CPNE9: variants seen among roughly 807,000 people sequenced by gnomAD.
CPNE9 encodes copine family member 9.
Under a neutral mutation model 83.0 loss-of-function variants are expected in CPNE9, and 59 were observed. The ratio of observed to expected loss-of-function variants is 0.71; its 90% CI spans 0.58 to 0.88. The LOEUF (loss-of-function observed/expected upper bound fraction) is 0.88, where lower values mean the gene tolerates loss of function less well. Ranked by LOEUF, CPNE9 falls within the 40% of genes least tolerant of loss-of-function variation. CPNE9 has a pLI of 0.00. For synonymous variants in CPNE9, 256 were observed against 273.4 expected (o/e 0.94, Z 0.63); for missense variants, 619 against 720.8 (o/e 0.86, Z 1.62).
Position 9,703,846 on chromosome 3 carries a change from G to A in CPNE9, c.-151G>A, listed in dbSNP as rs1055995240. ...CCGCCGGCGGCCACTGTCAGGGCGC[G>A]AGCGGCTGGAGCGCACGCAGGGCTG... On this transcript the variant is annotated 5_prime_UTR_variant, in exon 1 of 21. Transcript: ENST00000383832. 8.9e-6 allele frequency: 4 copies of A among 449,564 alleles called. No homozygotes were observed. The highest frequency in any genetic ancestry group is 2.1e-5 in the African/African-American group (1 of 47,862). The allele number at this position is 449,564 out of a possible 1,614,324, so 27.8% of individuals were successfully genotyped here. A position where few individuals can be genotyped will look rare whatever the true frequency, so the allele number is the denominator to read the frequency against.
At chr3:9,714,730 G>A (rs1350762624) in intron 10 of CPNE9, among the ~76,000 whole-genome samples, 184 bp from the exon 11 acceptor site, 1 of 151,562 alleles carries the variant, frequency 6.6e-6, no homozygotes, top group Non-Finnish European at 1.5e-5. Flanking sequence ...ATAGGGGTAG[G>A]TGGTTGGGTA....
intron 15 of CPNE9, among the ~76,000 whole-genome samples, chr3:9,717,423 T>G (rs1412841969): frequency 6.6e-6 from 1 of 152,058 alleles, no homozygotes; most frequent in Non-Finnish European, 1.5e-5. Flanking sequence ...ATGGAGTGGG[T>G]ACATGGGTTG....
chr3:9,726,190 T>G (rs2076783349), intron 18 of CPNE9, 139 bp downstream of exon 18: 1 of 564,512 alleles, frequency 1.8e-6, no homozygotes. Context: ...ACTCTTGGAT[T>G]AGAGATAGAG....
chr3:9,705,616 C>T, intron 5 of CPNE9, 102 bp from the exon 6 acceptor site: 1 of 1,567,100 alleles, frequency 6.4e-7, no homozygotes, highest in Non-Finnish European at 8.8e-7. Context: ...TTCAGGCCCC[C>T]AACCCACCCT....
At chr3:9,711,731 C>G (rs1452983848) in intron 7 of CPNE9, among the ~76,000 whole-genome samples, 2 of 152,196 alleles carry the variant, frequency 1.3e-5, no homozygotes, top group African/African-American at 4.8e-5. Flanking sequence ...TCACAGGCCC[C>G]TATCAACAAG....
rs765555134 is a variant in CPNE9 at position 9,718,497 on chromosome 3, A to G, written c.1136A>G (p.Asn379Ser). 1.9e-6 allele frequency: 3 copies of G among 1,613,344 alleles called. No homozygotes were observed. Among genetic ancestry groups the G allele is most frequent in the Non-Finnish European group, 8.5e-7 (1 of 1,179,926 alleles). ...FPLNNNDEDPNCAGIEGVLES... is the reference protein window; with the variant it reads ...FPLNNNDEDPSCAGIEGVLES... ...CAGAACAACAATGATGAGGACCCCA[A>G]CTGTGCGGGCATCGAGGGTGTGCTG... Residue 379 changes from asparagine to serine, a missense_variant, in exon 17 of 21, where the codon AAC becomes AGC. Physicochemically the swap from Asn to Ser is conservative, Grantham distance 46 (BLOSUM62 1). Around this residue, in one of 3 missense-constraint regions of CPNE9, gnomAD observed 438 missense variants for 562.9 expected, o/e 0.78. Transcript: ENST00000383832.
intron 17 of CPNE9, among the ~76,000 whole-genome samples, chr3:9,722,160 AC>A (rs60666913): frequency 2.2e-4 from 29 of 131,996 alleles, no homozygotes; most frequent in South Asian, 2.0e-3. Flanking sequence ...CAGGTGATCC[AC>A]CCCCCCCCGC....
Position 9,704,146 on chromosome 3 carries a change from G to A in CPNE9, c.68+82G>A. The A allele has an allele frequency of 1.5e-6, 2 of 1,358,686 alleles. No homozygotes were observed. 84.2% of individuals were successfully genotyped at this position (1,358,686 alleles called of 1,614,324 possible). A position where few individuals can be genotyped will look rare whatever the true frequency, so the allele number is the denominator to read the frequency against. The stretch of plus-strand genomic sequence containing the variant: ...GCCGCGGGGCTCAGCCTGGGCAGGG[G>A]CTAGACCCCCGGGGAGAGGCGAAAT... On this transcript the variant is annotated intron_variant, in intron 1 of 20. Transcript: ENST00000383832. The surrounding 1 kb of genome is among the most constrained non-coding windows in gnomAD (Gnocchi z 7.1).
At chr3:9,716,120 G>C (rs1404870286) in intron 14 of CPNE9, 85 bp downstream of exon 14, 1 of 1,209,908 alleles carries the variant, frequency 8.3e-7, no homozygotes, top group Non-Finnish European at 1.2e-6. Flanking sequence ...TTTATGAATG[G>C]TCAGGGCCCA....
At chr3:9,728,515 T>C (rs1326993885) in intron 20 of CPNE9, among the ~76,000 whole-genome samples, 2 of 151,924 alleles carry the variant, frequency 1.3e-5, no homozygotes, top group Admixed American at 6.6e-5. Context: ...CCCAGCTACT[T>C]GGGAGGCTGA....
Position 9,704,703 on chromosome 3 carries a change from G to T in CPNE9, c.110-46G>T, listed in dbSNP as rs199726750. 1 of 1,610,902 alleles carries T rather than the reference G, an allele frequency of 6.2e-7. No homozygotes were observed. Among genetic ancestry groups the T allele is most frequent in the East Asian group, 2.2e-5 (1 of 44,838 alleles). ...AGGGGCGGGTGGAGTCGGGGCCAGGGGTGGGAGCCGACCTGACGTCCTTCC... is the reference window on the plus strand; with the variant it reads ...AGGGGCGGGTGGAGTCGGGGCCAGGTGTGGGAGCCGACCTGACGTCCTTCC... On this transcript the variant is annotated intron_variant, in intron 2 of 20. Transcript: ENST00000383832. The surrounding 1 kb of genome is among the most constrained non-coding windows in gnomAD (Gnocchi z 7.1).
chr3:9,725,735 A>G (rs1346473425), intron 17 of CPNE9, among the ~76,000 whole-genome samples: 2 of 103,048 alleles, frequency 1.9e-5, no homozygotes, highest in South Asian at 3.1e-4. Context: ...TATATATTTC[A>G]TATATATGTA....
rs980884477 is a variant in CPNE9, at chr3:9,704,379, C to G, written c.69-208C>G. On this transcript the variant is annotated intron_variant, in intron 1 of 20. Coordinates refer to ENST00000383832, the MANE Select transcript of CPNE9 (RefSeq NM_153635.3). This position sits in a 1 kb window ranked among gnomAD's most constrained non-coding sequence, Gnocchi z 7.1. ...CCCTTGGAGACAGTGTGGGTGCGTT[C>G]GCGTCCAGTCCGCAGAGCCATGGTT... Among the ~76,000 whole-genome samples the G allele has an allele frequency of 2.6e-5, 4 of 152,132 alleles. No individual in the cohort carries two copies. The South Asian group carries it at 8.3e-4, about 31-fold the overall frequency.
At chr3:9,713,172 G>A (rs1168073895) in intron 10 of CPNE9, 93 bp downstream of exon 10, 30 of 972,154 alleles carry the variant, frequency 3.1e-5, no homozygotes, top group East Asian at 1.0e-4. Context: ...TCATAATAGC[G>A]TTGGAGGGTC....
chr3:9,724,766 A>G (rs1031874627), intron 17 of CPNE9, among the ~76,000 whole-genome samples: 3 of 124,696 alleles, frequency 2.4e-5, no homozygotes, highest in African/African-American at 9.9e-5. Context: ...CTATCTATCT[A>G]TCTATCTGAG....
Position 9,718,326 on chromosome 3 carries a change from G to C in CPNE9, c.1113+116G>C, listed in dbSNP as rs1035093543. 8.8e-6 allele frequency: 12 copies of C among 1,366,230 alleles called. No homozygotes were observed. The African/African-American group carries it at 1.4e-4, about 16-fold the overall frequency. The allele number at this position is 1,366,230 out of a possible 1,614,324, so 84.6% of individuals were successfully genotyped here. ...CATGTAGAGGAACAGGAAGCTATGA[G>C]AGGATAGCAGAGCAGGGAGGGGAGC... On this transcript the variant is annotated intron_variant, in intron 16 of 20. Coordinates refer to ENST00000383832, the MANE Select transcript of CPNE9 (RefSeq NM_153635.3).
chr3:9,720,129 A>G (rs183783080), intron 17 of CPNE9, among the ~76,000 whole-genome samples: 1 of 152,106 alleles, frequency 6.6e-6, no homozygotes, highest in African/African-American at 2.4e-5. Flanking sequence ...AAATGACAGA[A>G]CTAAAATCAA....
intron 13 of CPNE9, 84 bp downstream of exon 13, chr3:9,715,610 G>T: frequency 1.7e-6 from 2 of 1,165,128 alleles, no homozygotes; most frequent in South Asian, 2.5e-5. Context: ...ATCGAGGGCA[G>T]GGCAAGACAG....
intron 17 of CPNE9, among the ~76,000 whole-genome samples, chr3:9,722,164 C>CCT (rs1553691390): frequency 6.6e-6 from 1 of 151,222 alleles, no homozygotes; most frequent in Non-Finnish European, 1.5e-5. Context: ...TGATCCACCC[C>CCT]CCCCCGCCAC....
Sources: allele counts gnomAD v4.1 joint callset (sites outside exome capture counted in the v4.1 genomes callset), GRCh38; gene constraint gnomAD v4.1.1; regional missense constraint gnomAD v4.1.1; non-coding constraint Gnocchi (gnomAD v3.1); transcripts MANE v1.5; gene names NCBI Gene and HGNC (gene_info 2026-07-23, HGNC 2026-07-21).